Variants in ADGRL3 observed in about 807,000 individuals in gnomAD.
ADGRL3 encodes the protein calcium-independent alpha-latrotoxin receptor 3.
A neutral mutation model predicts 153.5 loss-of-function variants in ADGRL3; 62 were observed. The ratio of observed to expected loss-of-function variants is 0.40; its 90% CI spans 0.33 to 0.50. The LOEUF (loss-of-function observed/expected upper bound fraction) is 0.50. ADGRL3 is among the 20% of genes least tolerant of loss of function. The pLI is 0.47. For synonymous variants in ADGRL3, 710 were observed against 672.5 expected (o/e 1.06, Z -0.86); for missense variants, 1,641 against 1,859.4 (o/e 0.88, Z 2.16).
At chr4:61,698,696 T>C (rs1421261139) in intron 6 of ADGRL3, among the ~76,000 whole-genome samples, 5 of 152,176 alleles carry the variant, frequency 3.3e-5, no homozygotes, top group Non-Finnish European at 7.3e-5. Flanking sequence ...GATTAGGTAT[T>C]ATAGAGAATC....
chr4:61,334,981 A>G lies in ADGRL3; in HGVS notation c.-239-48143A>G, dbSNP rs529944116. 3.3e-5 allele frequency among the ~76,000 whole-genome samples: 5 copies of G among 152,238 alleles called. No individual in the cohort carries two copies. The East Asian group carries it at 9.7e-4, about 29-fold the overall frequency. On this transcript the variant is annotated intron_variant, in intron 1 of 26. Transcript: ENST00000683033. ...TACTTTCTTCCTCATTAAACAAAAG[A>G]AGAACTATAATCTGTATGAAGTGAA...
rs576222675 is a variant in ADGRL3 at position 61,911,269 on chromosome 4, G to A, written c.2074-1450G>A. Among the ~76,000 whole-genome samples, 27 of 152,202 alleles carry A rather than the reference G, an allele frequency of 1.8e-4. 1 individual carries two copies. The South Asian group carries it at 5.6e-3, about 32-fold the overall frequency. On this transcript the variant is annotated intron_variant, in intron 12 of 26. Coordinates refer to ENST00000683033, the MANE Select transcript of ADGRL3 (RefSeq NM_001387552.1). ...TGGTGTTGATGTCTGACAATATCAG[G>A]TAAAGCTGGCAATTAATGTCACATT...
At chr4:61,354,748 A>G (rs2096128513) in intron 1 of ADGRL3, among the ~76,000 whole-genome samples, 1 of 152,114 alleles carries the variant, frequency 6.6e-6, no homozygotes. Flanking sequence ...AGAAATTAGC[A>G]TGATTTATTA....
At chr4:61,973,194 T>C (rs1245442653) in intron 17 of ADGRL3, among the ~76,000 whole-genome samples, 1 of 152,050 alleles carries the variant, frequency 6.6e-6, no homozygotes, top group East Asian at 1.9e-4. Context: ...TAGTGTACTT[T>C]ATGTGATTAT....
Position 61,323,197 on chromosome 4 carries a change from C to T in ADGRL3, c.-239-59927C>T, listed in dbSNP as rs2095398207. The stretch of plus-strand genomic sequence containing the variant: ...AGCAGGGCATCAAGTCCCTAGGCTG[C>T]ACACAGCACCAGGAACCTGGGCCTG... On this transcript the variant is annotated intron_variant, in intron 1 of 26. Transcript: ENST00000683033. Among the ~76,000 whole-genome samples the T allele has an allele frequency of 2.0e-5, 3 of 152,294 alleles. No homozygotes were observed. In the South Asian group the frequency reaches 6.2e-4, roughly 32 times the overall value.
chr4:62,016,902 A>T (rs765232903), intron 21 of ADGRL3, among the ~76,000 whole-genome samples: 1 of 151,954 alleles, frequency 6.6e-6, no homozygotes. Flanking sequence ...ATGTCCATTC[A>T]TTCTTTGCTG....
chr4:61,740,233 C>T (rs1249623117), intron 8 of ADGRL3, among the ~76,000 whole-genome samples: 1 of 152,120 alleles, frequency 6.6e-6, no homozygotes, highest in African/African-American at 2.4e-5. Context: ...TAAAAGTATA[C>T]CTTTATTATT....
At chr4:61,372,877 C>T (rs1041973877) in intron 1 of ADGRL3, among the ~76,000 whole-genome samples, 14 of 152,284 alleles carry the variant, frequency 9.2e-5, no homozygotes, top group South Asian at 6.2e-4. Flanking sequence ...TAGCAATCAG[C>T]GAGACTCCGT....
intron 4 of ADGRL3, among the ~76,000 whole-genome samples, chr4:61,549,878 A>T (rs2098732536): frequency 6.6e-6 from 1 of 152,022 alleles, no homozygotes; most frequent in Non-Finnish European, 1.5e-5. Flanking sequence ...TTCTTTCAGC[A>T]ACATATTGAT....
intron 4 of ADGRL3, among the ~76,000 whole-genome samples, chr4:61,553,723 T>C (rs1427306445): frequency 6.6e-6 from 1 of 152,190 alleles, no homozygotes; most frequent in Non-Finnish European, 1.5e-5. Flanking sequence ...GTTCTAAATG[T>C]CTTGCCCAGT....
chr4:61,721,621 T>C (rs2096245226), intron 6 of ADGRL3, among the ~76,000 whole-genome samples: 2 of 152,298 alleles, frequency 1.3e-5, no homozygotes, highest in South Asian at 4.1e-4. Context: ...CCAGGAACAA[T>C]ACTGTATATT....
At chr4:61,546,175 C>T (rs1015280757) in intron 4 of ADGRL3, among the ~76,000 whole-genome samples, 29 of 152,332 alleles carry the variant, frequency 1.9e-4, no homozygotes, top group African/African-American at 6.7e-4. Context: ...AGTCATATCT[C>T]TCTCCGGATT....
intron 9 of ADGRL3, among the ~76,000 whole-genome samples, chr4:61,881,910 T>G (rs544801507): frequency 6.6e-6 from 1 of 152,330 alleles, no homozygotes; most frequent in Non-Finnish European, 1.5e-5. Context: ...GAAAAGAGTC[T>G]AAATCTATAC....
intron 2 of ADGRL3, among the ~76,000 whole-genome samples, chr4:61,454,128 G>A (rs1049692534): frequency 6.6e-6 from 1 of 151,930 alleles, no homozygotes; most frequent in Non-Finnish European, 1.5e-5. Flanking sequence ...ACAGTGCGTG[G>A]CACAAAGGAG....
At chr4:61,629,174 G>T (rs1274732882) in intron 5 of ADGRL3, among the ~76,000 whole-genome samples, 11 of 152,102 alleles carry the variant, frequency 7.2e-5, no homozygotes, top group Admixed American at 7.2e-4. Flanking sequence ...AGATAGAAAA[G>T]ATTCATTTTC....
intron 1 of ADGRL3, among the ~76,000 whole-genome samples, chr4:61,278,359 A>G (rs1385458794): frequency 3.9e-5 from 6 of 152,222 alleles, no homozygotes; most frequent in Non-Finnish European, 8.8e-5. Context: ...TTAATGAGCT[A>G]GTAACAAATT....
At chr4:61,445,057 G>GA (rs11436954) in intron 2 of ADGRL3, among the ~76,000 whole-genome samples, 71,670 of 150,958 alleles carry the variant, frequency 0.47, 17,359 homozygotes, top group African/African-American at 0.57. Context: ...GTCTAAAAAA[G>GA]AAAAAAAAAT....
intron 17 of ADGRL3, among the ~76,000 whole-genome samples, chr4:61,976,998 C>A (rs1445513178): frequency 3.3e-5 from 5 of 152,144 alleles, no homozygotes; most frequent in African/African-American, 1.2e-4. Flanking sequence ...AACAGTCATA[C>A]TTAAAAGGTG....
At chr4:61,229,561 T>C (rs1026284624) in intron 1 of ADGRL3, among the ~76,000 whole-genome samples, 4 of 152,056 alleles carry the variant, frequency 2.6e-5, no homozygotes, top group Non-Finnish European at 5.9e-5. Context: ...AATCCTGTAT[T>C]GGGTATCTTT....
Sources: gnomAD v4.1 joint callset for allele counts (sites outside exome capture counted in the v4.1 genomes callset) on GRCh38, gnomAD v4.1.1 for gene constraint, MANE v1.5 for transcripts, NCBI Gene and HGNC (gene_info 2026-07-23, HGNC 2026-07-21) for gene names.